THSD4: variants seen among roughly 807,000 people sequenced by gnomAD.
THSD4 encodes the protein thrombospondin type 1 domain containing 4.
THSD4 carries 69 observed loss-of-function variants against 119.0 expected under a neutral mutation model. That is an observed-to-expected ratio of 0.58 (90% confidence interval 0.48 to 0.71). THSD4 has a LOEUF of 0.71. Among genes scored for constraint, THSD4 ranks in the 30% least tolerant of loss-of-function variants. The pLI, the probability that THSD4 is intolerant of heterozygous loss-of-function variation, is 0.00. For synonymous variants in THSD4, 524 were observed against 540.4 expected, an observed-to-expected ratio of 0.97 and a Z score of 0.42; for missense variants, 1,393 against 1,391.1, an observed-to-expected ratio of 1.00 and a Z score of -0.02.
At chr15:71,153,212 T>G (rs2040742966) in intron 2 of THSD4, among the ~76,000 whole-genome samples, 1 of 152,154 alleles carries the variant, frequency 6.6e-6, no homozygotes, top group Non-Finnish European at 1.5e-5. Context: ...CTACTTTTCC[T>G]TCCCCATAGG....
chr15:71,151,671 T>C (rs747730071), intron 2 of THSD4, among the ~76,000 whole-genome samples: 2 of 152,218 alleles, frequency 1.3e-5, no homozygotes, highest in Non-Finnish European at 2.9e-5. Context: ...GGGATACAGC[T>C]AGAAGATTAC....
rs1228566359 is a variant in THSD4 at position 71,765,101 on chromosome 15, G to A, written c.2671G>A (p.Asp891Asn). The A allele has an allele frequency of 6.2e-7, 1 of 1,614,228 alleles. No individual in the cohort carries two copies. The highest frequency in any genetic ancestry group is 8.5e-7 in the Non-Finnish European group (1 of 1,180,040). ...GAATGCAGACACCTTTGAAGTGTTG[G>A]ACCCCTCTGAATGTTCTTTCCTGGA... ...RKNADTFEVL[D>N]PSECSFLEKP... Residue 891 changes from aspartate (D) to asparagine (N), a missense_variant, in exon 16 of 18, where the codon GAC (aspartate) becomes AAC (asparagine). Physicochemically the swap from Asp to Asn is conservative, Grantham distance 23. Transcript: ENST00000261862.
chr15:71,684,240 C>T (rs1436817997), intron 8 of THSD4, among the ~76,000 whole-genome samples: 2 of 151,822 alleles, frequency 1.3e-5, no homozygotes, highest in African/African-American at 4.8e-5. Flanking sequence ...CTGGTAATTT[C>T]GTTGCGCTTT....
At chr15:71,344,617 C>A (rs552270325) in intron 6 of THSD4, among the ~76,000 whole-genome samples, 43 of 152,262 alleles carry the variant, frequency 2.8e-4, no homozygotes, top group Non-Finnish European at 4.3e-4. Flanking sequence ...GTAAGCATAT[C>A]TTTGTTTCAT....
Position 71,154,875 on chromosome 15 carries a change from C to T in THSD4, c.42C>T (p.Phe14=). Residue 14 remains phenylalanine, a synonymous_variant, in exon 3 of 18, where the codon TTC becomes TTT. Coordinates refer to ENST00000261862, the MANE Select transcript of THSD4 (RefSeq NM_024817.3). ...TTTCCCTTTTCAGTGTCCTGTGTTT[C>T]CTTCTGCTGCTTGGATTCCAGTTCG... ...HFMGSLSVLC[F]LLLLGFQFVC... 6.2e-7 allele frequency: 1 copy of T among 1,614,170 alleles called. No homozygotes were observed. Among genetic ancestry groups the T allele is most frequent in the Non-Finnish European group, 8.5e-7 (1 of 1,180,040 alleles).
At chr15:71,441,484 T>TG (rs954265607) in intron 7 of THSD4, among the ~76,000 whole-genome samples, 2 of 143,892 alleles carry the variant, frequency 1.4e-5, no homozygotes, top group African/African-American at 2.6e-5. Flanking sequence ...CCCTGGGGTT[T>TG]TTTTTTTTTT....
intron 6 of THSD4, among the ~76,000 whole-genome samples, chr15:71,378,549 C>T (rs2046181547): frequency 6.6e-6 from 1 of 152,194 alleles, no homozygotes. Flanking sequence ...AATGAGAACA[C>T]AGGTAGGAAA....
intron 6 of THSD4, among the ~76,000 whole-genome samples, chr15:71,286,733 C>G (rs1328057394): frequency 6.6e-6 from 1 of 152,208 alleles, no homozygotes. Context: ...GCCACACTGT[C>G]TTCCACAATG....
intron 7 of THSD4, among the ~76,000 whole-genome samples, chr15:71,572,590 G>A (rs1008197172): frequency 1.5e-4 from 23 of 152,058 alleles, no homozygotes; most frequent in African/African-American, 4.1e-4. Context: ...CATGTATCAT[G>A]TCTACTAATG....
At chr15:71,711,368 A>G (rs1439448297) in intron 8 of THSD4, among the ~76,000 whole-genome samples, 1 of 152,112 alleles carries the variant, frequency 6.6e-6, no homozygotes, top group Non-Finnish European at 1.5e-5. Context: ...GAAATGGTAA[A>G]TATTAACTCA....
chr15:71,599,419 A>C (rs1187522132), intron 7 of THSD4, among the ~76,000 whole-genome samples: 2 of 152,098 alleles, frequency 1.3e-5, no homozygotes, highest in Non-Finnish European at 2.9e-5. Context: ...TGAGCCCCTG[A>C]TATGCCAGGC....
intron 7 of THSD4, among the ~76,000 whole-genome samples, chr15:71,532,949 CAGAG>C (rs1014897984): frequency 6.6e-6 from 1 of 152,162 alleles, no homozygotes; most frequent in Non-Finnish European, 1.5e-5. Context: ...TCCATTTAGG[CAGAG>C]AGTGAACACC....
At chr15:71,467,776 T>C (rs548744170) in intron 7 of THSD4, among the ~76,000 whole-genome samples, 1 of 151,994 alleles carries the variant, frequency 6.6e-6, no homozygotes, top group South Asian at 2.1e-4. Flanking sequence ...GGGGAGGTAA[T>C]TGAATCATAG....
At chr15:71,630,060 T>C (rs952191992) in intron 7 of THSD4, among the ~76,000 whole-genome samples, 3 of 152,236 alleles carry the variant, frequency 2.0e-5, no homozygotes, top group Non-Finnish European at 2.9e-5. Context: ...ATCAAACTTA[T>C]GTCTTTGTAA....
chr15:71,481,693 A>AAAG (rs10624716), intron 7 of THSD4, among the ~76,000 whole-genome samples: 1 of 152,210 alleles, frequency 6.6e-6, no homozygotes, highest in East Asian at 1.9e-4. Context: ...AATAAGAAAA[A>AAAG]GAAGGACAAG....
intron 4 of THSD4, among the ~76,000 whole-genome samples, chr15:71,239,855 C>A (rs1200344190): frequency 1.3e-5 from 2 of 152,250 alleles, no homozygotes; most frequent in Admixed American, 6.5e-5. Context: ...ATTATTAGCT[C>A]TGACCAGCTG....
At chr15:71,723,242 A>G (rs1334037836) in intron 8 of THSD4, among the ~76,000 whole-genome samples, 2 of 152,178 alleles carry the variant, frequency 1.3e-5, no homozygotes, top group African/African-American at 4.8e-5. Flanking sequence ...GCCCTCCAAT[A>G]TGGCTGAGTC....
chr15:71,700,550 A>G (rs185739911), intron 8 of THSD4, among the ~76,000 whole-genome samples: 5 of 152,258 alleles, frequency 3.3e-5, no homozygotes, highest in Non-Finnish European at 7.4e-5. Flanking sequence ...TTCCAATGGA[A>G]TTTTCATGAG....
rs573817733 is a variant in THSD4 at position 71,680,082 on chromosome 15, C to A, written c.1357+19348C>A. ...AAACTTGAGATGATCTGGAGCAAATCAGAGTAGAAAAGACGGATAAATAAT... is the reference window on the plus strand; with the variant it reads ...AAACTTGAGATGATCTGGAGCAAATAAGAGTAGAAAAGACGGATAAATAAT... On this transcript the variant is annotated intron_variant, in intron 8 of 17. Coordinates refer to ENST00000261862, the MANE Select transcript of THSD4 (RefSeq NM_024817.3). 3.9e-5 allele frequency among the ~76,000 whole-genome samples: 6 copies of A among 152,302 alleles called. No homozygotes were observed. In the South Asian group the frequency reaches 1.2e-3, roughly 32 times the overall value.
Sources: gnomAD v4.1 joint callset for allele counts (sites outside exome capture counted in the v4.1 genomes callset) on GRCh38, gnomAD v4.1.1 for gene constraint, MANE v1.5 for transcripts, NCBI Gene and HGNC (gene_info 2026-07-23, HGNC 2026-07-21) for gene names.